Variants in OSBPL8 observed in about 807,000 individuals in gnomAD.
The protein encoded by OSBPL8 is oxysterol-binding protein-related protein 8.
A neutral mutation model predicts 125.5 loss-of-function variants in OSBPL8; 59 were observed. That is an observed-to-expected ratio of 0.47 (90% confidence interval 0.38 to 0.58). The LOEUF is 0.58. Ranked by LOEUF, OSBPL8 falls within the 20% of genes least tolerant of loss-of-function variation. The pLI is 0.00. For synonymous variants in OSBPL8, 330 were observed against 338.9 expected (o/e 0.97, Z 0.29); for missense variants, 758 against 1,047.8 (o/e 0.72, Z 3.82).
chr12:76,445,252 T>C (rs913469532), intron 4 of OSBPL8, among the ~76,000 whole-genome samples: 2 of 152,080 alleles, frequency 1.3e-5, no homozygotes, highest in Non-Finnish European at 2.9e-5. Flanking sequence ...AATCAAGAGA[T>C]AAATCAGAGC....
At chr12:76,436,044 T>C (rs1213082257) in intron 4 of OSBPL8, among the ~76,000 whole-genome samples, 2 of 152,154 alleles carry the variant, frequency 1.3e-5, no homozygotes, top group African/African-American at 4.8e-5. Context: ...GCAGCCATTC[T>C]CTCTAAGCAT....
At chr12:76,546,152 G>T (rs1565987491) in intron 1 of OSBPL8, among the ~76,000 whole-genome samples, 2 of 152,144 alleles carry the variant, frequency 1.3e-5, no homozygotes, top group African/African-American at 4.8e-5. Flanking sequence ...CCTGCTTATA[G>T]CAAGAAACAT....
intron 1 of OSBPL8, among the ~76,000 whole-genome samples, chr12:76,502,850 G>A (rs748156110): frequency 6.6e-6 from 1 of 152,144 alleles, no homozygotes; most frequent in Non-Finnish European, 1.5e-5. Context: ...GACAAAAATT[G>A]TAATTTCTGG....
chr12:76,476,223 T>C (rs1055111496), intron 2 of OSBPL8, among the ~76,000 whole-genome samples: 3 of 152,206 alleles, frequency 2.0e-5, no homozygotes, highest in African/African-American at 7.2e-5. Context: ...TACCTTTCTA[T>C]GTAGGACAGT....
intron 2 of OSBPL8, chr12:76,485,969 A>G: frequency 2.7e-6 from 1 of 373,538 alleles, no homozygotes; most frequent in South Asian, 2.0e-5. Flanking sequence ...ATAAACATTA[A>G]GTTCTACAGA....
At chr12:76,506,683 T>G (rs973420551) in intron 1 of OSBPL8, among the ~76,000 whole-genome samples, 3 of 152,182 alleles carry the variant, frequency 2.0e-5, no homozygotes, top group Non-Finnish European at 4.4e-5. Flanking sequence ...AAATTAATGA[T>G]AAATGCCCTA....
At chr12:76,530,483 T>C (rs563243543) in intron 1 of OSBPL8, among the ~76,000 whole-genome samples, 2 of 152,340 alleles carry the variant, frequency 1.3e-5, no homozygotes, top group South Asian at 2.1e-4. Flanking sequence ...CTGACCATCC[T>C]AGCTACAAAT....
At chr12:76,498,150 A>G (rs910768728) in intron 1 of OSBPL8, among the ~76,000 whole-genome samples, 3 of 152,198 alleles carry the variant, frequency 2.0e-5, no homozygotes, top group African/African-American at 7.2e-5. Flanking sequence ...CACACCTGTA[A>G]CCCTAGCACT....
intron 1 of OSBPL8, among the ~76,000 whole-genome samples, chr12:76,518,866 A>G (rs1881805086): frequency 6.6e-6 from 1 of 152,238 alleles, no homozygotes; most frequent in Non-Finnish European, 1.5e-5. Context: ...CAGGTCCCTG[A>G]AACCATTCTT....
At position 76,368,936 on chromosome 12, in the gene OSBPL8, G is replaced by A. The variant is rs139336661; in HGVS notation, c.2328+278C>T. On this transcript the variant is annotated intron_variant, in intron 21 of 23. Transcript: ENST00000261183. ...TGCACTGGGATGGACCTGGGGCAAG[G>A]GCAGGTAAAATGCCACAAAGCTTTC... is the stretch of plus-strand genomic sequence containing the variant. 6.2e-3 allele frequency among the ~76,000 whole-genome samples: 938 copies of A among 152,148 alleles called. 6 individuals carry two copies. The highest frequency in any genetic ancestry group is 0.037 in the Middle Eastern group (11 of 294).
chr12:76,477,512 T>G (rs993417596), intron 2 of OSBPL8, among the ~76,000 whole-genome samples: 3 of 152,040 alleles, frequency 2.0e-5, no homozygotes, highest in Admixed American at 1.3e-4. Context: ...GTAAAATAAC[T>G]AACCAGTAGC....
At chr12:76,447,140 A>G (rs1463154655) in intron 4 of OSBPL8, among the ~76,000 whole-genome samples, 7 of 152,248 alleles carry the variant, frequency 4.6e-5, no homozygotes, top group Admixed American at 3.9e-4. Flanking sequence ...AATGATCATC[A>G]AAGGATTCAA....
chr12:76,557,490 C>A (rs1951141396), intron 1 of OSBPL8, among the ~76,000 whole-genome samples: 1 of 151,884 alleles, frequency 6.6e-6, no homozygotes, highest in South Asian at 2.1e-4. Flanking sequence ...TGGCACGCAC[C>A]TGTAATCCCA....
intron 4 of OSBPL8, among the ~76,000 whole-genome samples, chr12:76,438,087 C>T (rs1028088615): frequency 2.0e-5 from 3 of 149,554 alleles, no homozygotes; most frequent in South Asian, 2.1e-4. Context: ...CCTGGGTTCA[C>T]GCTATTCTCC....
At chr12:76,484,380 C>G (rs1877898130) in intron 2 of OSBPL8, among the ~76,000 whole-genome samples, 1 of 152,214 alleles carries the variant, frequency 6.6e-6, no homozygotes, top group Non-Finnish European at 1.5e-5. Context: ...GGAGCAATCA[C>G]TGAATCTTCA....
intron 1 of OSBPL8, among the ~76,000 whole-genome samples, chr12:76,546,582 C>A (rs760333609): frequency 6.6e-6 from 1 of 151,850 alleles, no homozygotes; most frequent in Non-Finnish European, 1.5e-5. Flanking sequence ...TTTGAAGATT[C>A]TATTTAAAAT....
At chr12:76,481,119 A>G (rs1877427373) in intron 2 of OSBPL8, among the ~76,000 whole-genome samples, 1 of 152,214 alleles carries the variant, frequency 6.6e-6, no homozygotes, top group East Asian at 1.9e-4. Flanking sequence ...AAGAAAATGG[A>G]TTCTTCCCTC....
chr12:76,396,158 C>T (rs943166424), intron 8 of OSBPL8, among the ~76,000 whole-genome samples: 4 of 151,764 alleles, frequency 2.6e-5, no homozygotes, highest in African/African-American at 9.7e-5. Context: ...GTCAGAGGTT[C>T]GGGGGGTTAA....
intron 5 of OSBPL8, among the ~76,000 whole-genome samples, chr12:76,404,686 A>G (rs1205086071): frequency 1.3e-5 from 2 of 152,208 alleles, no homozygotes; most frequent in Non-Finnish European, 2.9e-5. Context: ...TGATTTTTTA[A>G]ATAACATATT....
Sources: allele counts gnomAD v4.1 joint callset (sites outside exome capture counted in the v4.1 genomes callset), GRCh38; gene constraint gnomAD v4.1.1; transcripts MANE v1.5; gene names NCBI Gene and HGNC (gene_info 2026-07-23, HGNC 2026-07-21).